Variants in NDUFS2 observed in about 807,000 individuals in gnomAD.
NDUFS2 encodes the protein NADH dehydrogenase [ubiquinone] iron-sulfur protein 2, mitochondrial.
In NDUFS2, 38 loss-of-function variants were observed where a neutral mutation model predicts 69.6. The ratio of observed to expected loss-of-function variants is 0.55; its 90% confidence interval spans 0.42 to 0.72. NDUFS2 has a LOEUF of 0.72. NDUFS2 is among the 30% of genes least tolerant of loss of function. NDUFS2 has a pLI of 0.00. For missense variants in NDUFS2, 468 were observed against 595.0 expected, an observed-to-expected ratio of 0.79 and a Z score of 2.22; for synonymous variants, 194 against 211.2, an observed-to-expected ratio of 0.92 and a Z score of 0.70.
chr1:161,197,934 G>T, upstream of NDUFS2: 1 of 1,511,392 alleles, frequency 6.6e-7, no homozygotes, highest in Non-Finnish European at 8.9e-7. Flanking sequence ...GGGTGAATAG[G>T]GGTCAGTAGG....
Position 161,207,039 on chromosome 1 carries a change from G to A in NDUFS2, c.393+442G>A, listed in dbSNP as rs138895165. On this transcript the variant is annotated intron_variant, in intron 3 of 13. Transcript: ENST00000676972. ...CAATGAGTCACAGCAACTCAGAGAG[G>A]GTTTATGACAGTTTGCCATTTTTAG... Among the ~76,000 whole-genome samples the A allele has an allele frequency of 3.5e-3, 537 of 152,200 alleles. 5 individuals are homozygous for A. Among genetic ancestry groups the A allele is most frequent in the South Asian group, 0.021 (99 of 4,824 alleles).
chr1:161,206,995 C>T (rs962335099), intron 3 of NDUFS2, among the ~76,000 whole-genome samples: 9 of 152,158 alleles, frequency 5.9e-5, no homozygotes, highest in African/African-American at 9.7e-5. Context: ...CAGCTGTCTA[C>T]GTTTGTTTTC....
At chr1:161,203,360 C>G in intron 1 of NDUFS2, 77 bp from the exon 2 acceptor site, 1 of 1,241,662 alleles carries the variant, frequency 8.1e-7, no homozygotes, top group Non-Finnish European at 1.2e-6. Context: ...TTCCTGGGTC[C>G]CCTTGAGAGT....
intron 2 of NDUFS2, among the ~76,000 whole-genome samples, chr1:161,205,671 C>A (rs1402135340): frequency 6.6e-6 from 1 of 150,944 alleles, no homozygotes; most frequent in East Asian, 1.9e-4. Flanking sequence ...TGGAGGCTGA[C>A]ACAGGAGAAT....
rs527914205 is a variant in NDUFS2 at position 161,212,225 on chromosome 1, C to A, written c.987-126C>A. 1.6e-5 allele frequency: 20 copies of A among 1,219,192 alleles called. No homozygotes were observed. In the African/African-American group the frequency reaches 2.7e-4, roughly 16 times the overall value. 75.5% of individuals were successfully genotyped at this position (1,219,192 alleles called of 1,614,324 possible). The stretch of plus-strand genomic sequence containing the variant: ...TGGGTGGCCAAGCCAAGCAGAGATG[C>A]TGTACTTGGAGAAAAGAGTGGGGAG... On this transcript the variant is annotated intron_variant, in intron 9 of 13. Transcript: ENST00000676972.
chr1:161,213,122 C>G (rs1351680286), intron 10 of NDUFS2: 1 of 402,794 alleles, frequency 2.5e-6, no homozygotes, highest in African/African-American at 2.1e-5. Context: ...CCAGGCTGGT[C>G]TTGAACACCT....
chr1:161,198,343 C>A (rs1244179168), upstream of NDUFS2: 1 of 1,613,366 alleles, frequency 6.2e-7, no homozygotes, highest in Admixed American at 1.7e-5. This position sits in a 1 kb window ranked among gnomAD's most constrained non-coding sequence, Gnocchi z 4.7. Flanking sequence ...CCTGCTCCAG[C>A]TCTAGTAGCA....
chr1:161,213,144 C>T (rs984540078), intron 10 of NDUFS2: 4 of 436,532 alleles, frequency 9.2e-6, no homozygotes, highest in African/African-American at 6.1e-5. Context: ...ACCTCTTGAT[C>T]TGCCCACCTC....
intron 12 of NDUFS2, 44 bp from the exon 13 acceptor site, chr1:161,213,820 C>G (rs753925737): frequency 1.2e-5 from 20 of 1,612,398 alleles, no homozygotes; most frequent in Non-Finnish European, 1.4e-5. Context: ...CTCCTCCCAC[C>G]TTGCAAGTCT....
intron 9 of NDUFS2, among the ~76,000 whole-genome samples, chr1:161,211,018 G>A (rs1298603177): frequency 2.6e-5 from 4 of 152,280 alleles, no homozygotes; most frequent in African/African-American, 9.6e-5. Context: ...GGGATTACAG[G>A]CATGAGCCAC....
At position 161,209,563 on chromosome 1, in the gene NDUFS2, C is replaced by A; in HGVS notation, c.595C>A (p.Pro199Thr). 2.5e-6 allele frequency: 4 copies of A among 1,613,098 alleles called. No individual in the cohort carries two copies. The highest frequency in any genetic ancestry group is 3.4e-6 in the Non-Finnish European group (4 of 1,179,974). The change falls in exon 5 of 14, where the codon CCT (proline) becomes ACT (threonine). Residue 199 changes from proline to threonine, a missense_variant. Physicochemically the swap from Pro to Thr is conservative, Grantham distance 38. Transcript: ENST00000676972. ...THALDLGAMTPFFWLFEEREK... is the reference protein window; with the variant it reads ...THALDLGAMTTFFWLFEEREK... ...TGCCCTGGACCTTGGGGCCATGACC[C>A]CTTTCTTCTGGCTGTTTGAAGAAAG...
chr1:161,205,243 A>G (rs1397146759), intron 2 of NDUFS2, among the ~76,000 whole-genome samples: 1 of 152,182 alleles, frequency 6.6e-6, no homozygotes, highest in Admixed American at 6.5e-5. Flanking sequence ...TGCCTGGCAC[A>G]TGTAAGTCCC....
At chr1:161,198,946 C>CT (rs1303427876), upstream of NDUFS2, 1 of 313,362 alleles carries the variant, frequency 3.2e-6, no homozygotes, top group East Asian at 5.3e-5. The surrounding 1 kb of genome is among the most constrained non-coding windows in gnomAD (Gnocchi z 4.7). Flanking sequence ...TGGGCCGCTT[C>CT]TGTGCCTGCC....
intron 4 of NDUFS2, 42 bp from the exon 5 acceptor site, chr1:161,209,441 A>G (rs1472489405): frequency 6.2e-7 from 1 of 1,609,882 alleles, no homozygotes; most frequent in South Asian, 1.1e-5. Context: ...TGTCCGCCTC[A>G]GTGCTTGGCT....
At chr1:161,210,445 A>G in intron 8 of NDUFS2, 56 bp downstream of exon 8, 1 of 1,601,464 alleles carries the variant, frequency 6.2e-7, no homozygotes, top group Admixed American at 1.7e-5. Context: ...GGGGAGTTCC[A>G]GCCTAATATC....
At chr1:161,211,171 G>C (rs529149273) in intron 9 of NDUFS2, among the ~76,000 whole-genome samples, 1 of 152,208 alleles carries the variant, frequency 6.6e-6, no homozygotes, top group Non-Finnish European at 1.5e-5. Flanking sequence ...CACCACACCC[G>C]GCCTATGGCA....
chr1:161,212,573 T>TC, intron 10 of NDUFS2, 93 bp downstream of exon 10: 2 of 1,518,502 alleles, frequency 1.3e-6, no homozygotes, highest in Non-Finnish European at 1.8e-6. Flanking sequence ...CTTTTGGTTT[T>TC]CTTTTTTTTT....
chr1:161,198,040 G>C, upstream of NDUFS2: 2 of 1,595,668 alleles, frequency 1.3e-6, no homozygotes, highest in Non-Finnish European at 1.7e-6. This position sits in a 1 kb window ranked among gnomAD's most constrained non-coding sequence, Gnocchi z 4.7. Context: ...GAGGAGCCTT[G>C]ACGTTGCACA....
At chr1:161,197,967 G>A (rs200597357), upstream of NDUFS2, 346 of 1,533,116 alleles carry the variant, frequency 2.3e-4, no homozygotes, top group Middle Eastern at 2.5e-3. Flanking sequence ...GGAGGACACC[G>A]CAGGACACAG....
Sources: allele counts gnomAD v4.1 joint callset (sites outside exome capture counted in the v4.1 genomes callset), GRCh38; gene constraint gnomAD v4.1.1; non-coding constraint Gnocchi (gnomAD v3.1); transcripts MANE v1.5; gene names NCBI Gene and HGNC (gene_info 2026-07-23, HGNC 2026-07-21).